Variants in BZW1 observed in about 807,000 individuals in gnomAD.
BZW1 encodes the protein basic leucine zipper and W2 domains 1.
Under a neutral mutation model 54.1 loss-of-function variants are expected in BZW1, and 3 were observed. The observed-to-expected ratio is 0.06, with a 90% CI of 0.03 to 0.14. The LOEUF (loss-of-function observed/expected upper bound fraction) is 0.14. Among genes scored for constraint, BZW1 ranks in the 10% least tolerant of loss-of-function variants. The pLI is 1.00. For synonymous variants in BZW1, 152 were observed against 162.7 expected (o/e 0.93, Z 0.50); for missense variants, 206 against 491.7 (o/e 0.42, Z 5.50).
chr2:200,812,809 A>G, intron 1 of BZW1: 2 of 684,744 alleles, frequency 2.9e-6, no homozygotes, highest in Non-Finnish European at 2.7e-6. Flanking sequence ...TAGAATTGGC[A>G]TACACATTTT....
At chr2:200,818,692 G>C (rs2038384704) in intron 8 of BZW1, 63 bp from the exon 9 acceptor site, 2 of 1,516,014 alleles carry the variant, frequency 1.3e-6, no homozygotes, top group African/African-American at 2.8e-5. Context: ...GTCTAAACTT[G>C]ATGTGTGAAG....
chr2:200,820,314 T>C, intron 10 of BZW1, 194 bp downstream of exon 10: 1 of 432,330 alleles, frequency 2.3e-6, no homozygotes, highest in Non-Finnish European at 4.0e-6. Context: ...TATTCACAAG[T>C]TGAAGTATGA....
At chr2:200,815,157 T>G (rs1165648334) in intron 2 of BZW1, among the ~76,000 whole-genome samples, 184 bp from the exon 3 acceptor site, 1 of 152,226 alleles carries the variant, frequency 6.6e-6, no homozygotes, top group Non-Finnish European at 1.5e-5. Context: ...CTTGTGAAAT[T>G]ATTTGAAAAG....
At chr2:200,816,882 C>T (rs1292892379) in intron 5 of BZW1, among the ~76,000 whole-genome samples, 1 of 152,034 alleles carries the variant, frequency 6.6e-6, no homozygotes, top group African/African-American at 2.4e-5. Context: ...TTATAAAAAC[C>T]CTGTGAGGCA....
intron 11 of BZW1, among the ~76,000 whole-genome samples, chr2:200,821,649 T>G (rs1235343547): frequency 6.6e-6 from 1 of 152,134 alleles, no homozygotes; most frequent in African/African-American, 2.4e-5. Flanking sequence ...CCTTCCTGCC[T>G]CAGCCTCACA....
intron 11 of BZW1, among the ~76,000 whole-genome samples, chr2:200,821,543 T>C (rs1439416124): frequency 1.3e-5 from 2 of 151,878 alleles, no homozygotes; most frequent in Admixed American, 1.3e-4. Context: ...GTTTATAAAT[T>C]TGTGGATTTC....
At chr2:200,817,380 A>C in intron 6 of BZW1, 139 bp downstream of exon 6, 1 of 1,130,658 alleles carries the variant, frequency 8.8e-7, no homozygotes, top group Non-Finnish European at 1.2e-6. Context: ...AGTCTAATTC[A>C]CTAGACATTT....
rs200664261 is a variant in BZW1, at chr2:200,825,359, A to AT, written c.*3193dup. 107 of 149,030 alleles carry AT rather than the reference A, an allele frequency of 7.2e-4. 1 individual carries two copies. Among genetic ancestry groups the AT allele is most frequent in the Admixed American group, 4.8e-3 (71 of 14,942 alleles). 9.2% of individuals were successfully genotyped at this position (149,030 alleles called of 1,614,324 possible). A position where few individuals can be genotyped will look rare whatever the true frequency, so the allele number is the denominator to read the frequency against. On this transcript the variant is annotated 3_prime_UTR_variant, in exon 12 of 12. Transcript: ENST00000409600. ...AGGCGTGAGCCACCATGCCCAACCA[A>AT]TTTTTTTTTTTTAAATCCTTGGTAG...
intron 3 of BZW1, 45 bp downstream of exon 3, chr2:200,815,562 A>G (rs1485208277): frequency 1.2e-6 from 2 of 1,607,882 alleles, no homozygotes; most frequent in Non-Finnish European, 1.7e-6. Flanking sequence ...GAAAGGTATA[A>G]TATATGGAGA....
At chr2:200,822,050 C>A in intron 11 of BZW1, 97 bp from the exon 12 acceptor site, 1 of 1,181,188 alleles carries the variant, frequency 8.5e-7, no homozygotes, top group Non-Finnish European at 1.2e-6. Context: ...GCCTGTGGGA[C>A]AGAGGGAGAC....
At position 200,812,614 on chromosome 2, in the gene BZW1, C is replaced by A. The variant is rs966643561; in HGVS notation, c.-10-594C>A. The A allele has an allele frequency of 5.9e-6, 8 of 1,346,450 alleles. No individual in the cohort carries two copies. In the African/African-American group the frequency reaches 8.8e-5, roughly 15 times the overall value. 83.4% of individuals were successfully genotyped at this position (1,346,450 alleles called of 1,614,324 possible). On this transcript the variant is annotated intron_variant, in intron 1 of 11. Transcript: ENST00000409600. Reference sequence around the variant, plus strand: ...CATGGGAAGGGTGTGGATTGGGAGACACGTTACCGGGGAGGAGGCTAGGAC... The same window carrying A: ...CATGGGAAGGGTGTGGATTGGGAGAAACGTTACCGGGGAGGAGGCTAGGAC...
Position 200,826,397 on chromosome 2 carries a change from ATAGATAGATATT to A in BZW1, c.*4221_*4232del, listed in dbSNP as rs2038694593. On this transcript the variant is annotated 3_prime_UTR_variant, in exon 12 of 12. Transcript: ENST00000409600. ...TATAGATAGATAGATAGATAGATAG[ATAGATAGATATT>A]TTTTTTTTTTTTTTTTTTTTTTTTT... 3 of 63,404 alleles carry A rather than the reference ATAGATAGATATT, an allele frequency of 4.7e-5. No individual in the cohort carries two copies. Among genetic ancestry groups the A allele is most frequent in the African/African-American group, 1.6e-4 (3 of 18,516 alleles). The allele number at this position is 63,404 out of a possible 1,614,324, so 3.9% of individuals were successfully genotyped here. A position where few individuals can be genotyped will look rare whatever the true frequency, so the allele number is the denominator to read the frequency against.
chr2:200,813,447 A>G (rs2038164210), intron 2 of BZW1, 166 bp downstream of exon 2: 2 of 588,986 alleles, frequency 3.4e-6, no homozygotes, highest in Non-Finnish European at 2.9e-6. Context: ...TAATATTTCT[A>G]CTGCTTTACT....
intron 8 of BZW1, 72 bp downstream of exon 8, chr2:200,818,465 T>C: frequency 6.7e-7 from 1 of 1,499,584 alleles, no homozygotes; most frequent in Non-Finnish European, 9.1e-7. Context: ...TTTGAGGAAC[T>C]TACTTCACCA....
At chr2:200,814,183 G>T (rs908908897) in intron 2 of BZW1, among the ~76,000 whole-genome samples, 1 of 152,156 alleles carries the variant, frequency 6.6e-6, no homozygotes, top group South Asian at 2.1e-4. Context: ...CAGTAAAATG[G>T]GAAAGTGTAT....
Position 200,815,700 on chromosome 2 carries a change from G to A in BZW1, c.275G>A (p.Arg92His), listed in dbSNP as rs1181729395. 7 of 1,596,240 alleles carry A rather than the reference G, an allele frequency of 4.4e-6. No individual in the cohort carries two copies. Among genetic ancestry groups the A allele is most frequent in the Non-Finnish European group, 6.0e-6 (7 of 1,170,942 alleles). ...GGTACACTGGCAGATGACATGATGC[G>A]TACAGATGTCTGCGTGTTTGCAGCC... ...PGGTLADDMM[R>H]TDVCVFAAQE... The change falls in exon 4 of 12, where the codon CGT becomes CAT. Residue 92 changes from arginine (R) to histidine (H), a missense_variant. Coordinates refer to ENST00000409600, the MANE Select transcript of BZW1 (RefSeq NM_001207067.2).
At chr2:200,812,476 G>A (rs1249418374) in intron 1 of BZW1, 6 of 1,332,612 alleles carry the variant, frequency 4.5e-6, no homozygotes, top group Non-Finnish European at 5.8e-6. Flanking sequence ...TGCGGCGGCC[G>A]CCACCGCAGG....
intron 2 of BZW1, among the ~76,000 whole-genome samples, chr2:200,814,252 G>A (rs946309261): frequency 9.2e-5 from 14 of 152,186 alleles, no homozygotes; most frequent in East Asian, 5.8e-4. Flanking sequence ...AGTAGCTTTA[G>A]CATTCTTATT....
chr2:200,813,223 T>G lies in BZW1; in HGVS notation c.6T>G (p.Asn2Lys). 4 of 1,613,450 alleles carry G rather than the reference T, an allele frequency of 2.5e-6. No individual in the cohort carries two copies. Among genetic ancestry groups the G allele is most frequent in the Non-Finnish European group, 3.4e-6 (4 of 1,179,658 alleles). Residue 2 changes from asparagine to lysine, a missense_variant, in exon 2 of 12, where the codon AAT becomes AAG. This residue lies in a region of BZW1 where 8 missense variants were observed against 26.9 expected (regional missense o/e 0.30). Transcript: ENST00000409600. ...CCTTTCCTAGGGTGTCTTTTATGAA[T>G]AATCAAAAGCAGCAAAAGCCAACGC... M[N>K]NQKQQKPTLS...
Sources: gnomAD v4.1 joint callset for allele counts (sites outside exome capture counted in the v4.1 genomes callset) on GRCh38, gnomAD v4.1.1 for gene constraint, gnomAD v4.1.1 regional missense constraint, MANE v1.5 for transcripts, NCBI Gene and HGNC (gene_info 2026-07-23, HGNC 2026-07-21) for gene names.